The following MACROD2 variants were observed in gnomAD, a reference collection of about 807,000 sequenced individuals.
MACROD2 encodes the protein mono-ADP ribosylhydrolase 2.
MACROD2 carries 36 observed loss-of-function variants against 70.4 expected under a neutral mutation model. The ratio of observed to expected loss-of-function variants is 0.51; its 90% CI spans 0.39 to 0.68. The LOEUF is 0.68. Among genes scored for constraint, MACROD2 ranks in the 30% least tolerant of loss-of-function variants. MACROD2 has a pLI of 0.00. For synonymous variants in MACROD2, 172 were observed against 178.8 expected (o/e 0.96, Z 0.30); for missense variants, 496 against 538.4 (o/e 0.92, Z 0.78).
chr20:15,892,475 A>G (rs2064904804), intron 10 of MACROD2, among the ~76,000 whole-genome samples: 1 of 152,236 alleles, frequency 6.6e-6, no homozygotes, highest in Non-Finnish European at 1.5e-5. Context: ...ACAGTTTGTT[A>G]AATAGAAGCA....
Position 14,697,006 on chromosome 20 carries a change from AAT to A in MACROD2, c.418+12050_418+12051del, listed in dbSNP as rs545515865. On this transcript the variant is annotated intron_variant, in intron 5 of 17. Coordinates refer to ENST00000684519, the MANE Select transcript of MACROD2 (RefSeq NM_001351661.2). ...GAACATATATTTCCTTCTGAGTTAT[AAT>A]ATGTTTTGTGAATATGGAATTCAGG... Among the ~76,000 whole-genome samples, 69 of 152,272 alleles carry A rather than the reference AAT, an allele frequency of 4.5e-4. 1 individual carries two copies. The South Asian group carries it at 0.014, about 31-fold the overall frequency.
chr20:14,072,973 T>C (rs2053868808), intron 2 of MACROD2, among the ~76,000 whole-genome samples: 1 of 151,496 alleles, frequency 6.6e-6, no homozygotes, highest in Non-Finnish European at 1.5e-5. Flanking sequence ...GTAAATGCTA[T>C]ACAAATATTA....
At chr20:14,455,008 TC>T (rs2084285893) in intron 3 of MACROD2, among the ~76,000 whole-genome samples, 1 of 151,756 alleles carries the variant, frequency 6.6e-6, no homozygotes, top group African/African-American at 2.4e-5. Context: ...TGCCTTGGCC[TC>T]CCAATCTGTC....
chr20:15,012,884 AC>A (rs2075093954), intron 5 of MACROD2, among the ~76,000 whole-genome samples: 1 of 151,912 alleles, frequency 6.6e-6, no homozygotes, highest in African/African-American at 2.4e-5. Context: ...CTTGGCCATG[AC>A]CCCTTGGAAG....
At chr20:15,728,799 A>G (rs1477879814) in intron 8 of MACROD2, among the ~76,000 whole-genome samples, 1 of 151,732 alleles carries the variant, frequency 6.6e-6, no homozygotes, top group Non-Finnish European at 1.5e-5. Context: ...TTATTAGACT[A>G]GCTAGTGTCC....
intron 8 of MACROD2, among the ~76,000 whole-genome samples, chr20:15,611,214 A>G (rs1208524921): frequency 2.0e-5 from 3 of 151,924 alleles, no homozygotes; most frequent in African/African-American, 7.3e-5. Context: ...CCTTGTAACA[A>G]ACCTTTAGGG....
intron 2 of MACROD2, chr20:14,051,939 TGAA>T (rs763785916): frequency 1.7e-5 from 9 of 517,572 alleles, no homozygotes; most frequent in South Asian, 4.2e-5. Context: ...CTCTCATGGT[TGAA>T]GAAGTGGTGG....
In MACROD2 at chr20:15,994,826, T is replaced by C. The variant is rs147907394; in HGVS notation, c.1153+7668T>C. Among the ~76,000 whole-genome samples the C allele has an allele frequency of 7.3e-3, 1,117 of 152,296 alleles. 16 individuals are homozygous for C. Among genetic ancestry groups the C allele is most frequent in the African/African-American group, 0.026 (1,065 of 41,552 alleles). ...AGTCATTGAAACTCATTCTGCAAGTTTGAGTACTTTTGGTTTTGATGCTAA... is the reference window on the plus strand; with the variant it reads ...AGTCATTGAAACTCATTCTGCAAGTCTGAGTACTTTTGGTTTTGATGCTAA... On this transcript the variant is annotated intron_variant, in intron 15 of 17. Transcript: ENST00000684519.
At chr20:15,032,501 C>G (rs2075283653) in intron 5 of MACROD2, among the ~76,000 whole-genome samples, 4 of 152,172 alleles carry the variant, frequency 2.6e-5, no homozygotes, top group Admixed American at 2.6e-4. Context: ...AGCTGAGAGC[C>G]AAGACATCAC....
At chr20:14,803,918 T>C (rs2122149448) in intron 5 of MACROD2, among the ~76,000 whole-genome samples, 1 of 152,228 alleles carries the variant, frequency 6.6e-6, no homozygotes, top group South Asian at 2.1e-4. Flanking sequence ...TCTCTCCTTA[T>C]CAAGTGTGGC....
At chr20:15,264,648 G>T (rs1841206809) in intron 6 of MACROD2, among the ~76,000 whole-genome samples, 1 of 152,132 alleles carries the variant, frequency 6.6e-6, no homozygotes. Flanking sequence ...TAGTCTCGCA[G>T]GTTGCAGCCC....
At chr20:14,156,524 A>C (rs1462403500) in intron 3 of MACROD2, among the ~76,000 whole-genome samples, 1 of 152,208 alleles carries the variant, frequency 6.6e-6, no homozygotes, top group African/African-American at 2.4e-5. Context: ...TCCAGTTTTG[A>C]GTTCCCATTA....
At chr20:14,613,620 G>A (rs573535638) in intron 4 of MACROD2, among the ~76,000 whole-genome samples, 32 of 152,194 alleles carry the variant, frequency 2.1e-4, no homozygotes, top group Admixed American at 1.3e-4. Context: ...GCTACCCCCA[G>A]TGTTTTCCTC....
At chr20:14,480,329 G>T (rs1258470516) in intron 3 of MACROD2, among the ~76,000 whole-genome samples, 1 of 152,004 alleles carries the variant, frequency 6.6e-6, no homozygotes, top group African/African-American at 2.4e-5. Context: ...TCAGTAATTT[G>T]CCCAAAATTA....
chr20:15,372,251 G>A (rs748066286), intron 6 of MACROD2, among the ~76,000 whole-genome samples: 1 of 152,152 alleles, frequency 6.6e-6, no homozygotes, highest in Non-Finnish European at 1.5e-5. Context: ...TGTACTTGAG[G>A]CTCACAGAGT....
chr20:15,754,893 C>T (rs933726310), intron 8 of MACROD2, among the ~76,000 whole-genome samples: 6 of 151,534 alleles, frequency 4.0e-5, no homozygotes, highest in African/African-American at 1.5e-4. Context: ...GAATCTAGCT[C>T]TGCCTCCCAG....
At position 15,391,082 on chromosome 20, in the gene MACROD2, G is replaced by C. The variant is rs141042085; in HGVS notation, c.541-40323G>C. On this transcript the variant is annotated intron_variant, in intron 6 of 17. Transcript: ENST00000684519. The stretch of plus-strand genomic sequence containing the variant: ...GAGGCACCTAAGATGACAGCTAGAG[G>C]TAACTAGATGAGTTGATGGCAGGTA... Among the ~76,000 whole-genome samples, 780 of 152,218 alleles carry C rather than the reference G, an allele frequency of 5.1e-3. 1 individual carries two copies. Among genetic ancestry groups the C allele is most frequent in the Non-Finnish European group, 8.2e-3 (558 of 68,008 alleles).
intron 8 of MACROD2, among the ~76,000 whole-genome samples, chr20:15,669,622 A>G (rs537059089): frequency 5.3e-5 from 8 of 152,214 alleles, no homozygotes; most frequent in Non-Finnish European, 1.2e-4. Flanking sequence ...CCTTCCTGGA[A>G]GGGCACTTTG....
chr20:15,788,838 A>C (rs1032775760), intron 8 of MACROD2, among the ~76,000 whole-genome samples: 7 of 152,176 alleles, frequency 4.6e-5, no homozygotes, highest in Non-Finnish European at 7.4e-5. Context: ...AAACCCTAGC[A>C]TTGGCGTAAG....
Sources: gnomAD v4.1 joint callset for allele counts (sites outside exome capture counted in the v4.1 genomes callset) on GRCh38, gnomAD v4.1.1 for gene constraint, MANE v1.5 for transcripts, NCBI Gene and HGNC (gene_info 2026-07-23, HGNC 2026-07-21) for gene names.